ZC3H6: variants seen among roughly 807,000 people sequenced by gnomAD.
ZC3H6 encodes zinc finger CCCH domain-containing protein 6.
In ZC3H6, 40 loss-of-function variants were observed where a neutral mutation model predicts 107.7. That is an observed-to-expected ratio of 0.37 (90% CI 0.29 to 0.48). The LOEUF (loss-of-function observed/expected upper bound fraction) is 0.48. ZC3H6 is among the 20% of genes least tolerant of loss of function. The probability of loss-of-function intolerance (pLI) is 0.98; values close to 1 mark genes in which losing one functional copy is unlikely to be tolerated. For synonymous variants in ZC3H6, 493 were observed against 487.9 expected (o/e 1.01, Z -0.14); for missense variants, 1,267 against 1,410.4 (o/e 0.90, Z 1.63).
intron 7 of ZC3H6, among the ~76,000 whole-genome samples, chr2:112,319,195 G>A (rs1448515186): frequency 1.3e-5 from 2 of 152,160 alleles, no homozygotes; most frequent in Non-Finnish European, 2.9e-5. Flanking sequence ...TAATGAAGTC[G>A]TGATTGGTAA....
At chr2:112,315,218 T>G (rs1004249894) in intron 5 of ZC3H6, among the ~76,000 whole-genome samples, 20 of 152,214 alleles carry the variant, frequency 1.3e-4, no homozygotes, top group African/African-American at 4.8e-4. Flanking sequence ...ACATTTAGCA[T>G]GGCTAAGCAT....
At position 112,316,519 on chromosome 2, in the gene ZC3H6, A is replaced by G. The variant is rs777766204; in HGVS notation, c.797A>G (p.Asn266Ser). 6.2e-6 allele frequency: 10 copies of G among 1,610,746 alleles called. No individual in the cohort carries two copies. Among genetic ancestry groups the G allele is most frequent in the Admixed American group, 1.7e-5 (1 of 59,340 alleles). The change falls in exon 6 of 12, where the codon AAT becomes AGT. Residue 266 changes from asparagine to serine, a missense_variant. Around this residue, in one of 3 missense-constraint regions of ZC3H6, gnomAD observed 337 missense variants for 361.2 expected, o/e 0.93. Transcript: ENST00000409871. Reference protein sequence around the residue: ...KWKVMTQEFINQHTVEHKGKQ... With the variant: ...KWKVMTQEFISQHTVEHKGKQ... ...AAGGTTATGACTCAGGAATTTATTA[A>G]TCAGCACACAGTGGAACACAAAGGA...
At chr2:112,291,177 C>A (rs1043056768) in intron 1 of ZC3H6, among the ~76,000 whole-genome samples, 1 of 152,190 alleles carries the variant, frequency 6.6e-6, no homozygotes, top group South Asian at 2.1e-4. Flanking sequence ...TCATCTTAAT[C>A]TCTAGAATTT....
intron 1 of ZC3H6, among the ~76,000 whole-genome samples, chr2:112,279,981 A>G (rs1047939738): frequency 1.3e-5 from 2 of 152,228 alleles, no homozygotes; most frequent in African/African-American, 2.4e-5. Flanking sequence ...AATGTGCTAC[A>G]TTTGAGAGAG....
intron 1 of ZC3H6, among the ~76,000 whole-genome samples, chr2:112,295,894 A>G (rs1676222813): frequency 6.6e-6 from 1 of 152,174 alleles, no homozygotes; most frequent in Admixed American, 6.5e-5. Context: ...TTGTTTTTAA[A>G]TAGCTCTAGT....
chr2:112,304,828 T>A (rs896832896), intron 3 of ZC3H6, among the ~76,000 whole-genome samples: 4 of 152,198 alleles, frequency 2.6e-5, no homozygotes, highest in African/African-American at 9.7e-5. Flanking sequence ...GTTCCTAATC[T>A]CTTGTGAGTT....
intron 5 of ZC3H6, among the ~76,000 whole-genome samples, chr2:112,315,764 A>AT (rs1676685582): frequency 6.6e-6 from 1 of 151,766 alleles, no homozygotes; most frequent in African/African-American, 2.4e-5. Flanking sequence ...CACCTGGCTA[A>AT]TTTTTTGTAT....
intron 11 of ZC3H6, among the ~76,000 whole-genome samples, chr2:112,328,556 T>C (rs1676956788): frequency 6.6e-6 from 1 of 152,218 alleles, no homozygotes; most frequent in African/African-American, 2.4e-5. Context: ...AAAGAAGATA[T>C]TATTAATTCT....
chr2:112,330,064 T>G (rs951105772), intron 11 of ZC3H6, among the ~76,000 whole-genome samples: 5 of 151,934 alleles, frequency 3.3e-5, no homozygotes, highest in Non-Finnish European at 7.4e-5. Flanking sequence ...GGTTTTTTTT[T>G]TTTTTTGAGA....
chr2:112,282,302 G>A (rs768163838), intron 1 of ZC3H6, among the ~76,000 whole-genome samples: 23 of 152,166 alleles, frequency 1.5e-4, no homozygotes, highest in Non-Finnish European at 2.6e-4. Flanking sequence ...TGATGCCCCC[G>A]GAGTTGTGAA....
intron 3 of ZC3H6, among the ~76,000 whole-genome samples, chr2:112,308,360 C>T (rs182263497): frequency 2.7e-4 from 41 of 151,492 alleles, no homozygotes; most frequent in Non-Finnish European, 4.4e-4. Flanking sequence ...TCATTAAATA[C>T]GTAGTCTCAT....
At chr2:112,330,088 T>C (rs908005619) in intron 11 of ZC3H6, among the ~76,000 whole-genome samples, 6 of 151,906 alleles carry the variant, frequency 3.9e-5, no homozygotes, top group South Asian at 2.1e-4. Flanking sequence ...AGTCTTGCTC[T>C]GTCGCCCAGG....
At chr2:112,296,120 G>A (rs1676227095) in intron 1 of ZC3H6, among the ~76,000 whole-genome samples, 1 of 152,078 alleles carries the variant, frequency 6.6e-6, no homozygotes, top group Non-Finnish European at 1.5e-5. Context: ...TGTGTATAAT[G>A]TATATATAGT....
intron 5 of ZC3H6, among the ~76,000 whole-genome samples, chr2:112,315,705 C>T (rs1000106904): frequency 2.6e-5 from 4 of 152,048 alleles, no homozygotes; most frequent in Admixed American, 1.3e-4. Flanking sequence ...AAGCGATTCT[C>T]GTGCCTCAGC....
chr2:112,314,060 ATATT>A, intron 5 of ZC3H6, among the ~76,000 whole-genome samples: 1 of 152,182 alleles, frequency 6.6e-6, no homozygotes, highest in African/African-American at 2.4e-5. Flanking sequence ...TACCTGATAT[ATATT>A]AATATTTTAT....
At chr2:112,292,030 A>G (rs545372634) in intron 1 of ZC3H6, among the ~76,000 whole-genome samples, 1 of 152,250 alleles carries the variant, frequency 6.6e-6, no homozygotes, top group African/African-American at 2.4e-5. Flanking sequence ...TCTAGGCATT[A>G]AGTTCTAATT....
At chr2:112,324,073 A>T (rs895771033) in intron 9 of ZC3H6, 79 bp from the exon 10 acceptor site, 8 of 1,436,326 alleles carry the variant, frequency 5.6e-6, no homozygotes, top group Admixed American at 4.6e-5. Context: ...GTACTTAACC[A>T]ATATCTGTTT....
At chr2:112,319,176 C>G (rs186330890) in intron 7 of ZC3H6, among the ~76,000 whole-genome samples, 89 of 152,140 alleles carry the variant, frequency 5.8e-4, no homozygotes, top group Non-Finnish European at 1.1e-3. Flanking sequence ...ATTAATTTTG[C>G]CAGGGTGGTA....
intron 10 of ZC3H6, 105 bp from the exon 11 acceptor site, chr2:112,324,859 A>G (rs771556525): frequency 1.3e-5 from 15 of 1,145,468 alleles, no homozygotes; most frequent in Non-Finnish European, 1.7e-5. Context: ...TTTAAATGAT[A>G]TAATTTGATA....
Sources: gnomAD v4.1 joint callset for allele counts (sites outside exome capture counted in the v4.1 genomes callset) on GRCh38, gnomAD v4.1.1 for gene constraint, gnomAD v4.1.1 regional missense constraint, MANE v1.5 for transcripts, NCBI Gene and HGNC (gene_info 2026-07-23, HGNC 2026-07-21) for gene names.